Variants in RGS12 observed in about 807,000 individuals in gnomAD.
The protein encoded by RGS12 is regulator of G protein signaling 12.
RGS12 carries 66 observed loss-of-function variants against 120.1 expected under a neutral mutation model. The observed-to-expected ratio is 0.55, with a 90% CI of 0.45 to 0.67. The LOEUF (loss-of-function observed/expected upper bound fraction) is 0.67, where lower values mean the gene tolerates loss of function less well. RGS12 is among the 30% of genes least tolerant of loss of function. RGS12 has a pLI of 0.00. For missense variants in RGS12, 1,859 were observed against 1,957.7 expected (o/e 0.95, Z 0.95); for synonymous variants, 827 against 804.7 (o/e 1.03, Z -0.47).
At chr4:3,296,493 G>A (rs921676106) in intron 1 of RGS12, among the ~76,000 whole-genome samples, 2 of 152,076 alleles carry the variant, frequency 1.3e-5, no homozygotes, top group African/African-American at 4.8e-5. Flanking sequence ...CCTAGCTTCT[G>A]TCTTCTTCTG....
chr4:3,334,271 T>C (rs1344044635), intron 2 of RGS12, among the ~76,000 whole-genome samples: 2 of 152,236 alleles, frequency 1.3e-5, no homozygotes, highest in African/African-American at 2.4e-5. Flanking sequence ...TTAGCTGTTT[T>C]CTTTGTTATT....
Position 3,414,749 on chromosome 4 carries a change from T to A in RGS12, c.2191-3T>A, listed in dbSNP as rs1388452762. ...TAATAAATGGTGTCTTTGTCTTTCT[T>A]AGGATTTTCTAAGGAAAGAATTCAG... is the stretch of plus-strand genomic sequence containing the variant. On this transcript the variant is annotated splice_region_variant and splice_polypyrimidine_tract_variant and intron_variant, in intron 5 of 17. Transcript: ENST00000336727. 6.3e-7 allele frequency: 1 copy of A among 1,597,508 alleles called. No homozygotes were observed. Among genetic ancestry groups the A allele is most frequent in the Non-Finnish European group, 8.6e-7 (1 of 1,164,912 alleles).
chr4:3,405,221 G>T (rs1159254706), intron 4 of RGS12, among the ~76,000 whole-genome samples: 1 of 152,204 alleles, frequency 6.6e-6, no homozygotes, highest in Non-Finnish European at 1.5e-5. Flanking sequence ...GGGTAGTTCT[G>T]CACGAAGCTT....
chr4:3,299,874 C>A (rs1723581951), intron 1 of RGS12, among the ~76,000 whole-genome samples: 1 of 152,152 alleles, frequency 6.6e-6, no homozygotes, highest in Admixed American at 6.5e-5. Context: ...AGGCCCATGA[C>A]CCCTGGACCC....
chr4:3,318,091 T>A, intron 2 of RGS12, 40 bp downstream of exon 2: 1 of 1,536,132 alleles, frequency 6.5e-7, no homozygotes, highest in Non-Finnish European at 8.8e-7. Flanking sequence ...AGGCCCGGCC[T>A]CCTCACTTAG....
Position 3,423,408 on chromosome 4 carries a change from C to T in RGS12, c.3108-107C>T, listed in dbSNP as rs575330391. 49 of 1,456,290 alleles carry T rather than the reference C, an allele frequency of 3.4e-5. No individual in the cohort carries two copies. In the East Asian group the frequency reaches 7.3e-4, roughly 22 times the overall value. The allele number at this position is 1,456,290 out of a possible 1,614,324, so 90.2% of individuals were successfully genotyped here. On this transcript the variant is annotated intron_variant, in intron 12 of 17. Transcript: ENST00000336727. ...GCTGGGGCTGAACTGGGGGGCACAC[C>T]GAGGCCTTGAGGGCGGCCTGGGGCT...
chr4:3,347,757 G>A (rs112881747), intron 3 of RGS12, among the ~76,000 whole-genome samples: 14 of 152,184 alleles, frequency 9.2e-5, no homozygotes, highest in African/African-American at 2.9e-4. Context: ...CAATAACAAT[G>A]GATAAGGAAA....
chr4:3,293,336 C>CGGCGCGG (rs915705489), intron 1 of RGS12, among the ~76,000 whole-genome samples: 4 of 144,236 alleles, frequency 2.8e-5, no homozygotes, highest in Non-Finnish European at 6.1e-5. Context: ...CGGGGGCGGG[C>CGGCGCGG]GGCGCGGGGC....
At chr4:3,312,397 C>G (rs942967832) in intron 1 of RGS12, 1 of 185,822 alleles carries the variant, frequency 5.4e-6, no homozygotes, top group Non-Finnish European at 1.2e-5. Flanking sequence ...CACTGGGTGT[C>G]TTCTCCTTGG....
At chr4:3,362,608 A>G (rs1715736858) in intron 3 of RGS12, among the ~76,000 whole-genome samples, 4 of 92,532 alleles carry the variant, frequency 4.3e-5, no homozygotes, top group Admixed American at 2.2e-4. Flanking sequence ...GGGTGCGAGG[A>G]TGTCGTGAGG....
chr4:3,309,601 C>T (rs1022421203), intron 1 of RGS12, among the ~76,000 whole-genome samples: 1 of 127,030 alleles, frequency 7.9e-6, no homozygotes, highest in Non-Finnish European at 1.6e-5. Flanking sequence ...TGAGGAGGAG[C>T]TGGGACCTGG....
chr4:3,406,123 C>T (rs541431839), intron 4 of RGS12, among the ~76,000 whole-genome samples: 44 of 152,296 alleles, frequency 2.9e-4, no homozygotes, highest in Admixed American at 4.6e-4. Context: ...CCCTGCCAGC[C>T]GCAGATGGAC....
rs893104117 is a variant in RGS12 at position 3,414,158 on chromosome 4, C to T, written c.2107C>T (p.Arg703Cys). ...ASLPSVQSCR[R>C]LRERRVASWA... is the part of the protein sequence containing the mutation. ...CCTCCCCAGCGTGCAGAGCTGCCGG[C>T]GCCTGCGTGAGAGGAGGGTCGCCAG... Residue 703 changes from arginine (R) to cysteine (C), a missense_variant, in exon 5 of 18, where the codon CGC becomes TGC. Coordinates refer to ENST00000336727, the MANE Select transcript of RGS12 (RefSeq NM_001394154.1). The T allele has an allele frequency of 8.3e-6, 13 of 1,558,932 alleles. No individual in the cohort carries two copies. The highest frequency in any genetic ancestry group is 6.8e-5 in the African/African-American group (5 of 73,932).
At chr4:3,422,766 A>T in intron 11 of RGS12, 139 bp from the exon 12 acceptor site, 1 of 984,588 alleles carries the variant, frequency 1.0e-6, no homozygotes, top group Non-Finnish European at 1.6e-6. Context: ...TTGGTGTGGA[A>T]AGGGTGATCG....
At chr4:3,409,635 C>G (rs947524385) in intron 4 of RGS12, among the ~76,000 whole-genome samples, 2 of 152,204 alleles carry the variant, frequency 1.3e-5, no homozygotes, top group African/African-American at 2.4e-5. Flanking sequence ...GTGGGACTTC[C>G]ACATGGTACC....
At chr4:3,285,967 C>T in the RGS12 span, among the ~76,000 whole-genome samples, 1 of 152,246 alleles carries the variant, frequency 6.6e-6, no homozygotes, top group Non-Finnish European at 1.5e-5. Context: ...GAGGGAGCCA[C>T]GGCTTCACCA....
intron 4 of RGS12, among the ~76,000 whole-genome samples, chr4:3,412,449 C>G (rs1447853189): frequency 6.6e-6 from 1 of 152,238 alleles, no homozygotes; most frequent in African/African-American, 2.4e-5. Flanking sequence ...CTCCTGGTCT[C>G]TTTCTACCCC....
At chr4:3,308,863 C>G (rs1724124221) in intron 1 of RGS12, among the ~76,000 whole-genome samples, 1 of 152,252 alleles carries the variant, frequency 6.6e-6, no homozygotes, top group Admixed American at 6.5e-5. Context: ...CCTGTGCCCT[C>G]CCAGGCCCTT....
rs147157266 is a variant in RGS12 at position 3,317,265 on chromosome 4, C to T, written c.1095C>T (p.Ala365=). The T allele has an allele frequency of 4.3e-4, 688 of 1,614,158 alleles. 2 individuals are homozygous for T. The African/African-American group carries it at 7.6e-3, about 18-fold the overall frequency. The part of the protein sequence containing the change: ...IARRFGFECT[A]DPDTNGCLEF... ...GGCGGTTTGGGTTTGAGTGCACGGC[C>T]GACCCAGACACCAATGGCTGTCTGG... The change falls in exon 2 of 18, where the codon GCC becomes GCT. Residue 365 remains alanine, a synonymous_variant. Transcript: ENST00000336727.
Sources: gnomAD v4.1 joint callset for allele counts (sites outside exome capture counted in the v4.1 genomes callset) on GRCh38, gnomAD v4.1.1 for gene constraint, MANE v1.5 for transcripts, NCBI Gene and HGNC (gene_info 2026-07-23, HGNC 2026-07-21) for gene names.